SPTBN5: variants seen among roughly 807,000 people sequenced by gnomAD.
SPTBN5 encodes spectrin beta, non-erythrocytic 5.
In SPTBN5, 513 loss-of-function variants were observed where a neutral mutation model predicts 477.6. That is an observed-to-expected ratio of 1.07 (90% CI 1.00 to 1.16). SPTBN5 has a LOEUF of 1.16. Among genes scored for constraint, SPTBN5 ranks in the 50% most tolerant of loss-of-function variants. The pLI, the probability that SPTBN5 is intolerant of heterozygous loss-of-function variation, is 0.00. For missense variants in SPTBN5, 5,062 were observed against 4,731.8 expected (o/e 1.07, Z -2.05); for synonymous variants, 2,169 against 2,011.7 (o/e 1.08, Z -2.09).
At position 41,855,490 on chromosome 15, in the gene SPTBN5, T is replaced by C. The variant is rs1020882447; in HGVS notation, c.9218+59A>G. ...GCCTTTCCAGGCTGGAGCAGTCTCC[T>C]GCCATCTCTGTAGGGGGCTTCTCTC... On this transcript the variant is annotated intron_variant, in intron 54 of 67. Transcript: ENST00000320955. The C allele has an allele frequency of 6.3e-5, 101 of 1,593,244 alleles. No individual in the cohort carries two copies. The South Asian group carries it at 9.8e-4, about 15-fold the overall frequency.
chr15:41,864,018 C>CTG lies in SPTBN5; in HGVS notation c.6923_6924dup (p.Val2309GlnfsTer79). The CTG allele has an allele frequency of 1.2e-6, 2 of 1,612,424 alleles. No individual in the cohort carries two copies. Among genetic ancestry groups the CTG allele is most frequent in the Non-Finnish European group, 1.7e-6 (2 of 1,179,394 alleles). On this transcript the variant is annotated frameshift_variant, in exon 40 of 68. Transcript: ENST00000320955. LOFTEE classifies it high-confidence loss of function. ...ATGCTCCTGATGCAGGCATCACCCA[C>CTG]TGTGTCCTGCAGGGGAGGTATGGGT...
intron 66 of SPTBN5, chr15:41,850,581 G>C: frequency 2.1e-6 from 1 of 482,918 alleles, no homozygotes; most frequent in Non-Finnish European, 3.7e-6. Flanking sequence ...GGGGCAGTCT[G>C]AGTGGCAGAC....
chr15:41,862,516 GGGCAAGGCCTGC>G lies in SPTBN5; in HGVS notation c.7385+11_7385+22del. ...GAGATGCTGGAGGATGGGTCGGCGA[GGGCAAGGCCTGC>G]GGGTTCATACCGCTTCTGGGCCCTG... On this transcript the variant is annotated intron_variant, in intron 43 of 67. Transcript: ENST00000320955. The G allele has an allele frequency of 6.3e-7, 1 of 1,578,450 alleles. No homozygotes were observed. Among genetic ancestry groups the G allele is most frequent in the Non-Finnish European group, 8.6e-7 (1 of 1,160,032 alleles).
In SPTBN5 at chr15:41,882,028, G is replaced by C. The variant is rs760469863; in HGVS notation, c.2365C>G (p.Arg789Gly). Reference protein sequence around the residue: ...AAETLLRRHVRLERVLRAFAA... With the variant: ...AAETLLRRHVGLERVLRAFAA... ...AAGGCGCGCAGGACGCGCTCCAGCCGCACGTGGCGCCTCAGCAGGGTCTCG... is the reference window on the plus strand; with the variant it reads ...AAGGCGCGCAGGACGCGCTCCAGCCCCACGTGGCGCCTCAGCAGGGTCTCG... Residue 789 changes from arginine to glycine, a missense_variant, in exon 12 of 68, where the codon CGG becomes GGG. Physicochemically the swap from Arg to Gly is moderately radical, Grantham distance 125. Transcript: ENST00000320955. The C allele has an allele frequency of 1.6e-5, 25 of 1,545,390 alleles. No homozygotes were observed. The highest frequency in any genetic ancestry group is 9.4e-5 in the Admixed American group (5 of 53,440).
Position 41,876,662 on chromosome 15 carries a change from G to T in SPTBN5, c.3852-15C>A, listed in dbSNP as rs775341210. 4 of 1,436,912 alleles carry T rather than the reference G, an allele frequency of 2.8e-6. No individual in the cohort carries two copies. The highest frequency in any genetic ancestry group is 2.4e-5 in the East Asian group (1 of 42,540). 89.0% of individuals were successfully genotyped at this position (1,436,912 alleles called of 1,614,324 possible). A position where few individuals can be genotyped will look rare whatever the true frequency, so the allele number is the denominator to read the frequency against. On this transcript the variant is annotated splice_polypyrimidine_tract_variant and intron_variant, in intron 19 of 67. Transcript: ENST00000320955. ...GCTCTCTGACCCTGGAGGGCGGGGGGGGGTTGGAGGAGGGCATGGGAGAGG... is the reference window on the plus strand; with the variant it reads ...GCTCTCTGACCCTGGAGGGCGGGGGTGGGTTGGAGGAGGGCATGGGAGAGG...
intron 32 of SPTBN5, 108 bp from the exon 33 acceptor site, chr15:41,868,709 G>A: frequency 1.8e-6 from 2 of 1,125,350 alleles, no homozygotes; most frequent in South Asian, 2.8e-5. Context: ...CACAGCCCGA[G>A]CCGACCTGGG....
rs1160008464 is a variant in SPTBN5, at chr15:41,882,656, C to T, written c.1975G>A (p.Gly659Arg). ...EEEEAWLKEC[G>R]QRVGNAALGR... is the part of the protein sequence containing the mutation. Reference sequence around the variant, plus strand: ...AGGGCCGCATTCCCCACCCGCTGTCCGCACTCCTTCAGCCAGGCTTCCTCC... The same window carrying T: ...AGGGCCGCATTCCCCACCCGCTGTCTGCACTCCTTCAGCCAGGCTTCCTCC... Residue 659 changes from glycine (G) to arginine (R), a missense_variant, in exon 10 of 68, where the codon GGA becomes AGA. Coordinates refer to ENST00000320955, the MANE Select transcript of SPTBN5 (RefSeq NM_016642.4). 1.2e-6 allele frequency: 2 copies of T among 1,607,916 alleles called. No homozygotes were observed. The highest frequency in any genetic ancestry group is 1.7e-6 in the Non-Finnish European group (2 of 1,177,792).
chr15:41,863,024 C>T (rs547897368), intron 41 of SPTBN5, 121 bp from the exon 42 acceptor site: 5 of 867,930 alleles, frequency 5.8e-6, no homozygotes, highest in Admixed American at 2.2e-5. Flanking sequence ...TTCCTGGCCC[C>T]GACTTTGAGG....
In SPTBN5 at chr15:41,893,955, A is replaced by G; in HGVS notation, c.-106T>C. 1 of 206,824 alleles carries G rather than the reference A, an allele frequency of 4.8e-6. No homozygotes were observed. Among genetic ancestry groups the G allele is most frequent in the Non-Finnish European group, 9.9e-6 (1 of 100,618 alleles). 12.8% of individuals were successfully genotyped at this position (206,824 alleles called of 1,614,324 possible). On this transcript the variant is annotated 5_prime_UTR_variant, in exon 1 of 68. Transcript: ENST00000320955. ...CCAGCTGGACGGATGGAGATGGCAG[A>G]TAGCAGGGGCTGTGGAGGGAGGGAG...
chr15:41,893,322 G>A lies in SPTBN5; in HGVS notation c.176C>T (p.Thr59Ile). The A allele has an allele frequency of 4.3e-6, 7 of 1,614,022 alleles. No individual in the cohort carries two copies. The highest frequency in any genetic ancestry group is 3.4e-6 in the Non-Finnish European group (4 of 1,179,900). Residue 59 changes from threonine (T) to isoleucine (I), a missense_variant, in exon 2 of 68, where the codon ACT becomes ATT. Transcript: ENST00000320955. ...GACGTTATTGATCCACTTGGTGAAAGTCTTCTCCTGCATCTGCATGTGCCG... is the reference window on the plus strand; with the variant it reads ...GACGTTATTGATCCACTTGGTGAAAATCTTCTCCTGCATCTGCATGTGCCG... ...QARHMQMQEK[T>I]FTKWINNVFQ... is the part of the protein sequence containing the mutation.
At chr15:41,875,413 A>C (rs1010958714) in intron 22 of SPTBN5, 45 bp downstream of exon 22, 1 of 1,587,372 alleles carries the variant, frequency 6.3e-7, no homozygotes, top group Admixed American at 1.7e-5. Flanking sequence ...CAGCCCAGCC[A>C]GGCCTCCGTC....
rs781675466 is a variant in SPTBN5, at chr15:41,855,530, T to C, written c.9218+19A>G. On this transcript the variant is annotated intron_variant, in intron 54 of 67. Coordinates refer to ENST00000320955, the MANE Select transcript of SPTBN5 (RefSeq NM_016642.4). ...GGGCTTCTCTCTGCTCCTTCGCGGATGGTGTGGCTTCCGCCCACCTTTCTG... is the reference window on the plus strand; with the variant it reads ...GGGCTTCTCTCTGCTCCTTCGCGGACGGTGTGGCTTCCGCCCACCTTTCTG... 4 of 1,605,058 alleles carry C rather than the reference T, an allele frequency of 2.5e-6. No homozygotes were observed. In the South Asian group the frequency reaches 3.3e-5, roughly 13 times the overall value.
rs920735301 is a variant in SPTBN5, at chr15:41,870,534, A to G, written c.5474T>C (p.Leu1825Pro). The G allele has an allele frequency of 3.1e-6, 5 of 1,610,174 alleles. No homozygotes were observed. The highest frequency in any genetic ancestry group is 3.3e-5 in the Admixed American group (2 of 59,990). Reference protein sequence around the residue: ...LQTAWSELWELTQARGHALRD... With the variant: ...LQTAWSELWEPTQARGHALRD... ...GAGCGCGTGGCCTCGGGCCTGGGTC[A>G]GCTCCCACAGCTCCGACCAGGCGGT... Residue 1825 changes from leucine to proline, a missense_variant, in exon 30 of 68, where the codon CTG becomes CCG. Transcript: ENST00000320955.
intron 44 of SPTBN5, 21 bp downstream of exon 44, chr15:41,862,109 T>C (rs1283990387): frequency 6.5e-7 from 1 of 1,540,668 alleles, no homozygotes. Context: ...TGGGAAAGGC[T>C]TGGGCCAGCT....
chr15:41,860,887 C>T (rs2278964), intron 46 of SPTBN5, 129 bp from the exon 47 acceptor site: 122,607 of 883,378 alleles, frequency 0.14, 11,791 homozygotes, highest in East Asian at 0.54. Flanking sequence ...CAAACACATC[C>T]CTCACATCCC....
At chr15:41,886,483 G>T (rs2067155788) in intron 6 of SPTBN5, 117 bp from the exon 7 acceptor site, 2 of 1,195,008 alleles carry the variant, frequency 1.7e-6, no homozygotes, top group African/African-American at 1.5e-5. Context: ...AGCCAAAGAT[G>T]CTTTGAAGTG....
intron 15 of SPTBN5, 22 bp from the exon 16 acceptor site, chr15:41,879,521 G>A (rs2066874401): frequency 1.3e-6 from 2 of 1,538,584 alleles, no homozygotes; most frequent in Non-Finnish European, 1.7e-6. Flanking sequence ...GTACAAGGTT[G>A]TCTCCACAAC....
rs1317806319 is a variant in SPTBN5, at chr15:41,876,169, T to A, written c.4067A>T (p.Glu1356Val). 2 of 1,605,490 alleles carry A rather than the reference T, an allele frequency of 1.2e-6. No individual in the cohort carries two copies. The highest frequency in any genetic ancestry group is 2.7e-5 in the African/African-American group (2 of 74,922). The change falls in exon 21 of 68, where the codon GAA (glutamate) becomes GTA (valine). Residue 1356 changes from glutamate to valine, a missense_variant. Transcript: ENST00000320955. The stretch of plus-strand genomic sequence containing the variant: ...GGCGAGTAGCTCGCTCTCAGCTGCT[T>A]CGTGCCGCTTGAGTGTCTGCAGGAT... ...RNILQTLKRH[E>V]AAESELLATR...
At chr15:41,866,296 C>G in intron 37 of SPTBN5, 48 bp downstream of exon 37, 1 of 1,571,260 alleles carries the variant, frequency 6.4e-7, no homozygotes. Context: ...GACATTGCCC[C>G]TGGGCCACAC....
Sources: allele counts gnomAD v4.1 joint callset, GRCh38; gene constraint gnomAD v4.1.1; transcripts MANE v1.5; gene names NCBI Gene and HGNC (gene_info 2026-07-23, HGNC 2026-07-21).